Variants in GRID1 observed in about 807,000 individuals in gnomAD.
GRID1 encodes glutamate ionotropic receptor delta type subunit 1, also known as glutamate receptor ionotropic, delta-1.
GRID1 carries 28 observed loss-of-function variants against 98.0 expected under a neutral mutation model. The ratio of observed to expected loss-of-function variants is 0.29; its 90% CI spans 0.21 to 0.39. The LOEUF (loss-of-function observed/expected upper bound fraction) is 0.39, where lower values mean the gene tolerates loss of function less well. GRID1 is among the 10% of genes least tolerant of loss of function. The pLI, the probability that GRID1 is intolerant of heterozygous loss-of-function variation, is 1.00. For synonymous variants in GRID1, 553 were observed against 538.5 expected, an observed-to-expected ratio of 1.03 and a Z score of -0.37; for missense variants, 1,111 against 1,340.5, an observed-to-expected ratio of 0.83 and a Z score of 2.67.
intron 3 of GRID1, among the ~76,000 whole-genome samples, chr10:86,203,607 G>T (rs1845984898): frequency 6.6e-6 from 1 of 151,588 alleles, no homozygotes; most frequent in Admixed American, 6.6e-5. Flanking sequence ...CCGATGACCA[G>T]GGCAGGCAAA....
intron 2 of GRID1, 124 bp downstream of exon 2, chr10:86,363,817 C>T (rs545345695): frequency 1.2e-6 from 1 of 805,186 alleles, no homozygotes; most frequent in African/African-American, 1.8e-5. Flanking sequence ...GCGCATGGCA[C>T]CGCGGCTGCC....
Position 86,336,155 on chromosome 10 carries a change from G to C in GRID1, c.235+27786C>G, listed in dbSNP as rs550152447. 2.0e-5 allele frequency among the ~76,000 whole-genome samples: 3 copies of C among 152,340 alleles called. No homozygotes were observed. In the South Asian group the frequency reaches 6.2e-4, roughly 32 times the overall value. On this transcript the variant is annotated intron_variant, in intron 2 of 15. Coordinates refer to ENST00000327946, the MANE Select transcript of GRID1 (RefSeq NM_017551.3). ...CAGACAACTCCAGGTTGCTCTCCTA[G>C]GAGTCTGATCACTGGACTTACTTGT...
chr10:85,976,203 A>G (rs750496905), intron 4 of GRID1, among the ~76,000 whole-genome samples: 1 of 152,230 alleles, frequency 6.6e-6, no homozygotes, highest in Non-Finnish European at 1.5e-5. Flanking sequence ...TCTGTTTTCA[A>G]ATAACAACAA....
intron 15 of GRID1, among the ~76,000 whole-genome samples, chr10:85,610,359 T>C (rs1394717625): frequency 1.3e-5 from 2 of 152,162 alleles, no homozygotes; most frequent in Non-Finnish European, 1.5e-5. Context: ...AGGCCCCGTA[T>C]CCTTCCCCAG....
At chr10:85,903,917 A>T (rs1215426361) in intron 5 of GRID1, among the ~76,000 whole-genome samples, 1 of 152,146 alleles carries the variant, frequency 6.6e-6, no homozygotes, top group Non-Finnish European at 1.5e-5. Context: ...TAGATTTCTC[A>T]TGGGCACCCT....
chr10:86,114,310 C>T lies in GRID1; in HGVS notation c.726+24509G>A, dbSNP rs559968282. ...GGAGGGACTAACCTTGTGGTCTATGCTTTCCTCCAGGGACACAAGCCTGGG... is the reference window on the plus strand; with the variant it reads ...GGAGGGACTAACCTTGTGGTCTATGTTTTCCTCCAGGGACACAAGCCTGGG... On this transcript the variant is annotated intron_variant, in intron 4 of 15. Coordinates refer to ENST00000327946, the MANE Select transcript of GRID1 (RefSeq NM_017551.3). Among the ~76,000 whole-genome samples the T allele has an allele frequency of 2.6e-5, 4 of 152,240 alleles. No individual in the cohort carries two copies. The South Asian group carries it at 6.2e-4, about 24-fold the overall frequency.
intron 8 of GRID1, among the ~76,000 whole-genome samples, chr10:85,809,760 G>A (rs964440948): frequency 1.3e-5 from 2 of 152,120 alleles, no homozygotes; most frequent in Admixed American, 6.5e-5. Context: ...GGGGAGCAAG[G>A]CACCCTCCCT....
intron 14 of GRID1, among the ~76,000 whole-genome samples, chr10:85,617,232 C>CA (rs1235934829): frequency 2.1e-5 from 3 of 145,022 alleles, no homozygotes; most frequent in Non-Finnish European, 4.6e-5. Flanking sequence ...AAAGCCCCCC[C>CA]CCCCTTTTAT....
intron 8 of GRID1, among the ~76,000 whole-genome samples, chr10:85,737,890 G>C (rs780630055): frequency 9.2e-5 from 14 of 151,752 alleles, no homozygotes; most frequent in Admixed American, 2.6e-4. Context: ...CAGGATGCAA[G>C]AAGTGTTTCT....
In GRID1 at chr10:86,265,471, C is replaced by T. The variant is rs145105227; in HGVS notation, c.236-58823G>A. On this transcript the variant is annotated intron_variant, in intron 2 of 15. Transcript: ENST00000327946. Reference sequence around the variant, plus strand: ...AGATGAGGACACTGAGGCTTGCCCACAGGCATAGAGCTATTAAGTGGCCCA... The same window carrying T: ...AGATGAGGACACTGAGGCTTGCCCATAGGCATAGAGCTATTAAGTGGCCCA... Among the ~76,000 whole-genome samples, 322 of 152,354 alleles carry T rather than the reference C, an allele frequency of 2.1e-3. 1 individual carries two copies. Among genetic ancestry groups the T allele is most frequent in the African/African-American group, 7.2e-3 (300 of 41,582 alleles).
At chr10:86,075,888 G>T (rs1564667291) in intron 4 of GRID1, among the ~76,000 whole-genome samples, 1 of 152,216 alleles carries the variant, frequency 6.6e-6, no homozygotes, top group Non-Finnish European at 1.5e-5. Flanking sequence ...CTACCACTGG[G>T]CCTCCCCAGC....
intron 3 of GRID1, among the ~76,000 whole-genome samples, chr10:86,178,412 AG>A (rs1313438893): frequency 2.0e-5 from 3 of 152,168 alleles, no homozygotes; most frequent in African/African-American, 7.2e-5. Flanking sequence ...CAAGTCACTC[AG>A]TTAACAGGCT....
intron 6 of GRID1, among the ~76,000 whole-genome samples, chr10:85,861,580 T>C (rs1197043557): frequency 1.3e-5 from 2 of 152,204 alleles, no homozygotes; most frequent in Non-Finnish European, 2.9e-5. Flanking sequence ...CTGACTCTGG[T>C]TCCTGAGAGG....
chr10:85,988,618 C>G (rs1842640811), intron 4 of GRID1, among the ~76,000 whole-genome samples: 1 of 152,166 alleles, frequency 6.6e-6, no homozygotes, highest in Non-Finnish European at 1.5e-5. Flanking sequence ...GGATGAACAG[C>G]TCAAGCACTA....
chr10:86,243,049 T>C (rs1846664005), intron 2 of GRID1, among the ~76,000 whole-genome samples: 1 of 152,050 alleles, frequency 6.6e-6, no homozygotes, highest in Admixed American at 6.6e-5. Flanking sequence ...TAATGCCCAC[T>C]TCCCAGGATG....
At chr10:85,686,843 G>C (rs1166743893) in intron 12 of GRID1, among the ~76,000 whole-genome samples, 1 of 151,844 alleles carries the variant, frequency 6.6e-6, no homozygotes, top group Non-Finnish European at 1.5e-5. Context: ...AATGAGATGT[G>C]AACTATGATA....
intron 5 of GRID1, among the ~76,000 whole-genome samples, chr10:85,894,606 T>C (rs552867982): frequency 6.6e-6 from 1 of 152,290 alleles, no homozygotes; most frequent in African/African-American, 2.4e-5. Flanking sequence ...ACTTATCAGA[T>C]TGTGCAGGTT....
At chr10:85,711,107 C>T (rs1301672291) in intron 12 of GRID1, among the ~76,000 whole-genome samples, 1 of 151,936 alleles carries the variant, frequency 6.6e-6, no homozygotes, top group Non-Finnish European at 1.5e-5. Flanking sequence ...CCATATGATC[C>T]AGCAATTTTA....
chr10:85,683,463 T>C (rs531189943), intron 12 of GRID1, among the ~76,000 whole-genome samples: 1 of 152,330 alleles, frequency 6.6e-6, no homozygotes, highest in South Asian at 2.1e-4. Context: ...GCATGGGACA[T>C]AGGCAATGCC....
Sources: gnomAD v4.1 joint callset for allele counts (sites outside exome capture counted in the v4.1 genomes callset) on GRCh38, gnomAD v4.1.1 for gene constraint, MANE v1.5 for transcripts, NCBI Gene and HGNC (gene_info 2026-07-23, HGNC 2026-07-21) for gene names.